The following MYZAP variants were observed in gnomAD, a reference collection of about 807,000 sequenced individuals.
MYZAP encodes the protein myocardial zonula adherens protein, also known as GRINL1A complex locus upstream.
MYZAP carries 66 observed loss-of-function variants against 69.4 expected under a neutral mutation model. The ratio of observed to expected loss-of-function variants is 0.95; its 90% CI spans 0.78 to 1.17. MYZAP has a LOEUF of 1.17. MYZAP is among the 50% of genes most tolerant of loss of function. The pLI is 0.00. For synonymous variants in MYZAP, 256 were observed against 205.9 expected (o/e 1.24, Z -2.09); for missense variants, 611 against 556.2 (o/e 1.10, Z -0.99).
intron 2 of MYZAP, among the ~76,000 whole-genome samples, chr15:57,613,979 C>T (rs1372921606): frequency 2.6e-5 from 4 of 152,176 alleles, no homozygotes; most frequent in Non-Finnish European, 5.9e-5. Flanking sequence ...ACATCTTGCT[C>T]AACATATCAG....
chr15:57,639,384 C>A, intron 9 of MYZAP, 56 bp from the exon 10 acceptor site: 15 of 1,571,990 alleles, frequency 9.5e-6, no homozygotes, highest in Non-Finnish European at 1.2e-5. Context: ...ACTGTTGCTA[C>A]TGCTGTTGCT....
rs1446824269 is a variant in MYZAP, at chr15:57,637,722, C to T, written c.961C>T (p.Leu321=). Reference sequence around the variant, plus strand: ...ACGTCATCAACTGCAACTTCAACTCCTAGAACATGAAACAGAAATGTCTGG... The same window carrying T: ...ACGTCATCAACTGCAACTTCAACTCTTAGAACATGAAACAGAAATGTCTGG... ...KERHQLQLQL[L]EHETEMSGEL... Residue 321 remains leucine (L), a synonymous_variant, in exon 9 of 13, where the codon CTA becomes TTA. Coordinates refer to ENST00000267853, the MANE Select transcript of MYZAP (RefSeq NM_001018100.5). 4.3e-6 allele frequency: 7 copies of T among 1,613,054 alleles called. No homozygotes were observed. The highest frequency in any genetic ancestry group is 4.0e-5 in the African/African-American group (3 of 74,928).
intron 12 of MYZAP, among the ~76,000 whole-genome samples, chr15:57,680,230 G>A (rs1453140310): frequency 6.6e-6 from 1 of 152,058 alleles, no homozygotes; most frequent in African/African-American, 2.4e-5. Context: ...TTTGCTCCTT[G>A]ACTCACTCAC....
chr15:57,627,753 A>G (rs1302276260), intron 5 of MYZAP, among the ~76,000 whole-genome samples: 2 of 152,132 alleles, frequency 1.3e-5, no homozygotes, highest in Non-Finnish European at 2.9e-5. Context: ...CAAGATGCCT[A>G]CCTAGTGACA....
At chr15:57,626,683 A>G (rs1229299075) in intron 5 of MYZAP, among the ~76,000 whole-genome samples, 1 of 152,204 alleles carries the variant, frequency 6.6e-6, no homozygotes, top group Non-Finnish European at 1.5e-5. Flanking sequence ...CCTCCTCTCA[A>G]AAGTTCCAAA....
intron 2 of MYZAP, among the ~76,000 whole-genome samples, chr15:57,607,177 C>T (rs2034806702): frequency 6.6e-6 from 1 of 152,166 alleles, no homozygotes; most frequent in African/African-American, 2.4e-5. Context: ...GGTGGCAGTA[C>T]CTGTTGGTAC....
intron 3 of MYZAP, among the ~76,000 whole-genome samples, chr15:57,620,281 A>T (rs2035728279): frequency 6.6e-6 from 1 of 152,196 alleles, no homozygotes. Context: ...CCTAATAAAC[A>T]TGCTGTCTAT....
At chr15:57,624,723 C>T (rs1380143473) in intron 4 of MYZAP, among the ~76,000 whole-genome samples, 2 of 152,224 alleles carry the variant, frequency 1.3e-5, no homozygotes, top group Non-Finnish European at 2.9e-5. Flanking sequence ...CTGGTCTCCT[C>T]CTTCTCCAAG....
intron 12 of MYZAP, chr15:57,680,933 A>T (rs1425570447): frequency 1.3e-5 from 2 of 152,234 alleles, no homozygotes; most frequent in African/African-American, 2.4e-5. Flanking sequence ...ATAAAAGGTT[A>T]ACAATAGCCT....
Position 57,629,088 on chromosome 15 carries a change from CAAAAAAAAAA to C in MYZAP, c.526-604_526-595del, listed in dbSNP as rs1274144448. Among the ~76,000 whole-genome samples, 879 of 115,116 alleles carry C rather than the reference CAAAAAAAAAA, an allele frequency of 7.6e-3. 12 individuals are homozygous for C. Among genetic ancestry groups the C allele is most frequent in the African/African-American group, 0.027 (832 of 30,356 alleles). 75.5% of individuals were successfully genotyped at this position (115,116 alleles called of 152,430 possible). On this transcript the variant is annotated intron_variant, in intron 5 of 12. Transcript: ENST00000267853. ...ACAGAGTAAGGCTCTGTCTCAAAAACAAAAAAAAAAAAAAAAAAAGAAAAAGAATAAAAAG... is the reference window on the plus strand; with the variant it reads ...ACAGAGTAAGGCTCTGTCTCAAAAACAAAAAAAAAGAAAAAGAATAAAAAG...
chr15:57,623,242 G>T (rs2035927208), intron 4 of MYZAP, among the ~76,000 whole-genome samples: 1 of 152,166 alleles, frequency 6.6e-6, no homozygotes, highest in Non-Finnish European at 1.5e-5. Flanking sequence ...AATGCAATTT[G>T]CTATTACTCT....
intron 12 of MYZAP, among the ~76,000 whole-genome samples, chr15:57,677,738 G>C (rs2039212516): frequency 1.3e-5 from 2 of 152,180 alleles, no homozygotes; most frequent in South Asian, 4.1e-4. Context: ...GAACAGTCAG[G>C]GAGGCTCAGG....
At chr15:57,661,954 A>C (rs763996661) in intron 11 of MYZAP, among the ~76,000 whole-genome samples, 1 of 152,234 alleles carries the variant, frequency 6.6e-6, no homozygotes, top group Non-Finnish European at 1.5e-5. Flanking sequence ...ACAGAGGCAC[A>C]GAGAAGACAG....
chr15:57,651,112 A>G (rs1264771371), intron 10 of MYZAP, among the ~76,000 whole-genome samples: 3 of 152,194 alleles, frequency 2.0e-5, no homozygotes, highest in African/African-American at 4.8e-5. Flanking sequence ...GGACAGCAAG[A>G]AGGCTCCAAG....
At chr15:57,681,740 G>C (rs565535055) in intron 12 of MYZAP, among the ~76,000 whole-genome samples, 1 of 152,040 alleles carries the variant, frequency 6.6e-6, no homozygotes, top group Admixed American at 6.5e-5. Context: ...AGCTGAGATC[G>C]TGCCACTGCA....
chr15:57,653,511 A>G (rs66535070), intron 10 of MYZAP, among the ~76,000 whole-genome samples: 6,252 of 152,300 alleles, frequency 0.041, 171 homozygotes, highest in African/African-American at 0.067. Context: ...TGGATTTAAA[A>G]TACTGAATTC....
At chr15:57,668,689 T>G (rs78674357) in intron 11 of MYZAP, among the ~76,000 whole-genome samples, 2 of 152,044 alleles carry the variant, frequency 1.3e-5, no homozygotes, top group African/African-American at 2.4e-5. Context: ...ATAAGTTTCA[T>G]CTTTTGAAGT....
chr15:57,663,687 C>G (rs2038424155), intron 11 of MYZAP, among the ~76,000 whole-genome samples: 1 of 152,182 alleles, frequency 6.6e-6, no homozygotes, highest in African/African-American at 2.4e-5. Flanking sequence ...CAGTTAGACT[C>G]TGGTGGTCAA....
intron 10 of MYZAP, 62 bp downstream of exon 10, chr15:57,639,607 G>T: frequency 1.3e-6 from 2 of 1,549,648 alleles, no homozygotes; most frequent in East Asian, 2.3e-5. Flanking sequence ...AGCATCCCCA[G>T]AACAAGTCTG....
Sources: allele counts gnomAD v4.1 joint callset (sites outside exome capture counted in the v4.1 genomes callset), GRCh38; gene constraint gnomAD v4.1.1; transcripts MANE v1.5; gene names NCBI Gene and HGNC (gene_info 2026-07-23, HGNC 2026-07-21).